Variants in MICU1 observed in about 807,000 individuals in gnomAD.
MICU1 encodes mitochondrial calcium uptake 1.
MICU1 carries 45 observed loss-of-function variants against 56.8 expected under a neutral mutation model. That is an observed-to-expected ratio of 0.79 (90% CI 0.62 to 1.02). MICU1 has a LOEUF of 1.02. MICU1 is among the 50% of genes least tolerant of loss of function. The probability of loss-of-function intolerance (pLI) is 0.00; values close to 1 mark genes in which losing one functional copy is unlikely to be tolerated. For synonymous variants in MICU1, 186 were observed against 195.1 expected (o/e 0.95, Z 0.39); for missense variants, 504 against 587.1 (o/e 0.86, Z 1.46).
chr10:72,471,943 T>TGTGTGC (rs1055214989), intron 8 of MICU1, among the ~76,000 whole-genome samples: 2 of 151,932 alleles, frequency 1.3e-5, no homozygotes, highest in African/African-American at 2.4e-5. Flanking sequence ...TGTGTGTGTG[T>TGTGTGC]GTGTATTTGT....
In MICU1 at chr10:72,508,267, T is replaced by C; in HGVS notation, c.540A>G (p.Lys180=). 1 of 1,480,744 alleles carries C rather than the reference T, an allele frequency of 6.8e-7. No homozygotes were observed. Among genetic ancestry groups the C allele is most frequent in the Non-Finnish European group, 9.2e-7 (1 of 1,089,440 alleles). 91.7% of individuals were successfully genotyped at this position (1,480,744 alleles called of 1,614,324 possible). Residue 180 remains lysine, a splice_region_variant and synonymous_variant, in exon 6 of 12, where the codon AAA becomes AAG. Transcript: ENST00000361114. ...CAAATTTTTCTCGTTCCTGGGAAAT[T>C]TTCTATAGAATGTATGGGTCCCACC... ...QYIIKRFDGK[K]ISQEREKFAD...
intron 1 of MICU1, among the ~76,000 whole-genome samples, 195 bp from the exon 2 acceptor site, chr10:72,566,989 A>G (rs758381222): frequency 6.6e-6 from 1 of 152,178 alleles, no homozygotes; most frequent in African/African-American, 2.4e-5. Flanking sequence ...TAAAACTGAT[A>G]TATTAGTCAA....
intron 4 of MICU1, among the ~76,000 whole-genome samples, chr10:72,543,511 CAATCA>C (rs879413689): frequency 9.2e-5 from 9 of 97,538 alleles, no homozygotes; most frequent in Non-Finnish European, 2.2e-4. Flanking sequence ...CCATCTCAAT[CAATCA>C]AATCAATCCA....
At chr10:72,384,455 G>A (rs1459455137) in intron 10 of MICU1, among the ~76,000 whole-genome samples, 1 of 152,160 alleles carries the variant, frequency 6.6e-6, no homozygotes, top group Non-Finnish European at 1.5e-5. Context: ...GGGATGTAAT[G>A]TTGGCTGATT....
intron 5 of MICU1, among the ~76,000 whole-genome samples, chr10:72,515,383 TTC>T (rs1340716407): frequency 1.3e-5 from 2 of 152,228 alleles, no homozygotes; most frequent in African/African-American, 2.4e-5. Flanking sequence ...GTGTCATTTT[TTC>T]TCTCTTTGTA....
intron 9 of MICU1, among the ~76,000 whole-genome samples, chr10:72,411,955 T>A (rs181777733): frequency 3.9e-5 from 6 of 152,274 alleles, no homozygotes; most frequent in Admixed American, 6.5e-5. Context: ...TAAATATACA[T>A]CACTATACTT....
intron 6 of MICU1, among the ~76,000 whole-genome samples, chr10:72,504,962 CATT>C (rs147881283): frequency 2.5e-4 from 38 of 149,940 alleles, no homozygotes; most frequent in East Asian, 1.4e-3. Flanking sequence ...CTATTATTAT[CATT>C]ATTATTATTA....
At chr10:72,427,404 C>CA (rs1415716598) in intron 8 of MICU1, among the ~76,000 whole-genome samples, 2 of 152,092 alleles carry the variant, frequency 1.3e-5, no homozygotes, top group African/African-American at 4.8e-5. Flanking sequence ...ATATTATGAA[C>CA]AAAGGCCAAA....
chr10:72,544,721 ACATT>A lies in MICU1; in HGVS notation c.493+6454_493+6457del, dbSNP rs1339594602. 2.6e-5 allele frequency among the ~76,000 whole-genome samples: 4 copies of A among 152,200 alleles called. No homozygotes were observed. In the East Asian group the frequency reaches 7.7e-4, roughly 29 times the overall value. On this transcript the variant is annotated intron_variant, in intron 4 of 11. Coordinates refer to ENST00000361114, the MANE Select transcript of MICU1 (RefSeq NM_001195518.2). ...CTCATTATACCTAAGGAGGGCAATG[ACATT>A]CAGACTTCATAGAGAGGGAGATGGG...
At chr10:72,422,831 C>T (rs534033258) in intron 9 of MICU1, among the ~76,000 whole-genome samples, 6 of 150,424 alleles carry the variant, frequency 4.0e-5, no homozygotes, top group Admixed American at 2.7e-4. Flanking sequence ...GTGCCTCAGC[C>T]TCTGAGTAGC....
intron 1 of MICU1, among the ~76,000 whole-genome samples, chr10:72,595,634 T>C (rs975933067): frequency 1.3e-5 from 2 of 152,304 alleles, no homozygotes; most frequent in African/African-American, 2.4e-5. Context: ...TTCTGACTAC[T>C]TTCCTCACAA....
intron 5 of MICU1, among the ~76,000 whole-genome samples, chr10:72,526,932 C>CA (rs57033966): frequency 0.089 from 11,264 of 127,122 alleles, 1,530 homozygotes; most frequent in African/African-American, 0.32. Context: ...GTAATGGCTT[C>CA]AAAAAAAAAA....
chr10:72,457,089 G>A (rs1481203835), intron 8 of MICU1, among the ~76,000 whole-genome samples: 1 of 151,550 alleles, frequency 6.6e-6, no homozygotes, highest in African/African-American at 2.4e-5. Flanking sequence ...CTCCCAAATT[G>A]ACGGAATTAT....
At chr10:72,495,196 T>C (rs1464259270) in intron 6 of MICU1, among the ~76,000 whole-genome samples, 6 of 151,348 alleles carry the variant, frequency 4.0e-5, no homozygotes, top group African/African-American at 9.7e-5. Flanking sequence ...AAATTACATG[T>C]CTGCATAATA....
At chr10:72,528,936 A>T (rs1839398505) in intron 5 of MICU1, among the ~76,000 whole-genome samples, 2 of 152,192 alleles carry the variant, frequency 1.3e-5, no homozygotes, top group Non-Finnish European at 2.9e-5. Context: ...AAGAACTTTC[A>T]CCTAGTAAAA....
At chr10:72,408,074 G>T in intron 9 of MICU1, 37 bp from the exon 10 acceptor site, 1 of 1,417,026 alleles carries the variant, frequency 7.1e-7, no homozygotes, top group Non-Finnish European at 9.9e-7. Context: ...GGCAGGACCT[G>T]TAACAAAAAG....
chr10:72,441,560 A>AAG (rs1439131889), intron 8 of MICU1, among the ~76,000 whole-genome samples: 25 of 150,468 alleles, frequency 1.7e-4, no homozygotes, highest in African/African-American at 5.8e-4. Flanking sequence ...TTAAAAAAAA[A>AAG]AAAAAAGAAA....
At chr10:72,623,085 A>G (rs1842141646) in intron 1 of MICU1, among the ~76,000 whole-genome samples, 1 of 152,010 alleles carries the variant, frequency 6.6e-6, no homozygotes, top group Non-Finnish European at 1.5e-5. Context: ...CCTGGCCAAC[A>G]TAGTAAAACC....
At chr10:72,556,367 TTTCA>T (rs1168502454) in intron 3 of MICU1, among the ~76,000 whole-genome samples, 9 of 151,738 alleles carry the variant, frequency 5.9e-5, no homozygotes, top group Non-Finnish European at 1.2e-4. Context: ...TGAGACAGAG[TTTCA>T]CTCTTGTTGC....
Sources: gnomAD v4.1 joint callset for allele counts (sites outside exome capture counted in the v4.1 genomes callset) on GRCh38, gnomAD v4.1.1 for gene constraint, MANE v1.5 for transcripts, NCBI Gene and HGNC (gene_info 2026-07-23, HGNC 2026-07-21) for gene names.